Variants in GSE1 observed in about 807,000 individuals in gnomAD.
GSE1 encodes the protein Gse1 coiled-coil protein.
GSE1 carries 32 observed loss-of-function variants against 112.6 expected under a neutral mutation model. That is an observed-to-expected ratio of 0.28 (90% CI 0.21 to 0.38). The LOEUF (loss-of-function observed/expected upper bound fraction) is 0.38. Ranked by LOEUF, GSE1 falls within the 10% of genes least tolerant of loss-of-function variation. The probability of loss-of-function intolerance (pLI) is 1.00; values close to 1 mark genes in which losing one functional copy is unlikely to be tolerated. For synonymous variants in GSE1, 1,115 were observed against 735.6 expected (o/e 1.52, Z -8.35); for missense variants, 2,348 against 1,699.2 (o/e 1.38, Z -6.71).
intron 1 of GSE1, among the ~76,000 whole-genome samples, chr16:85,340,777 TCTCCCAC>T: frequency 6.6e-6 from 1 of 152,226 alleles, no homozygotes; most frequent in Admixed American, 6.5e-5. Context: ...TCAAGGGGTT[TCTCCCAC>T]ATGTCAGGCT....
intron 5 of GSE1, 68 bp from the exon 6 acceptor site, chr16:85,655,658 A>G: frequency 1.9e-6 from 2 of 1,046,334 alleles, no homozygotes; most frequent in Non-Finnish European, 2.8e-6. Context: ...GCTGAGACAC[A>G]CCTGTCGACA....
chr16:85,508,609 C>T (rs959209941), intron 2 of GSE1, among the ~76,000 whole-genome samples: 1 of 152,322 alleles, frequency 6.6e-6, no homozygotes, highest in African/African-American at 2.4e-5. Context: ...GCAGGGCCCG[C>T]GGCCTCTAAA....
intron 2 of GSE1, among the ~76,000 whole-genome samples, chr16:85,529,029 G>C (rs2052461066): frequency 6.6e-6 from 1 of 152,204 alleles, no homozygotes; most frequent in South Asian, 2.1e-4. Flanking sequence ...CCCTCATCTT[G>C]GTGGACCGGC....
chr16:85,277,374 T>G (rs1040672107), intron 1 of GSE1, among the ~76,000 whole-genome samples: 1 of 152,162 alleles, frequency 6.6e-6, no homozygotes, highest in Non-Finnish European at 1.5e-5. Flanking sequence ...TTCCAGGGTC[T>G]GTCAGTGCCA....
intron 1 of GSE1, among the ~76,000 whole-genome samples, chr16:85,586,741 T>C (rs1281350863): frequency 6.6e-6 from 1 of 152,162 alleles, no homozygotes; most frequent in Non-Finnish European, 1.5e-5. Context: ...AGCCCCGGCA[T>C]GGAGGGCCTC....
intron 2 of GSE1, among the ~76,000 whole-genome samples, chr16:85,380,925 G>A (rs142473605): frequency 3.3e-4 from 50 of 152,306 alleles, no homozygotes; most frequent in African/African-American, 7.9e-4. Context: ...TTTGCAATGC[G>A]TGTTACTTTA....
At chr16:85,412,973 G>T (rs1368466476) in intron 2 of GSE1, among the ~76,000 whole-genome samples, 11 of 152,218 alleles carry the variant, frequency 7.2e-5, no homozygotes, top group Non-Finnish European at 1.6e-4. Context: ...CCGGGTGCCT[G>T]TTCGGGTGCA....
chr16:85,456,141 T>C (rs1012038283), intron 2 of GSE1, among the ~76,000 whole-genome samples: 1 of 152,194 alleles, frequency 6.6e-6, no homozygotes, highest in South Asian at 2.1e-4. Context: ...CAGTCCTGGT[T>C]CAGAGGAGGG....
chr16:85,664,278 G>A (rs142443044), intron 11 of GSE1, among the ~76,000 whole-genome samples: 57 of 152,350 alleles, frequency 3.7e-4, no homozygotes, highest in African/African-American at 1.0e-3. Flanking sequence ...TCAAGTCCTC[G>A]TGGGCCCCTG....
chr16:85,507,237 T>C (rs1158327711), intron 2 of GSE1, among the ~76,000 whole-genome samples: 6 of 152,230 alleles, frequency 3.9e-5, no homozygotes, highest in Non-Finnish European at 8.8e-5. Flanking sequence ...TTTTGTCTTC[T>C]CTGTCTGCTC....
At chr16:85,555,824 C>A (rs7184557), upstream of GSE1, 395,731 of 894,234 alleles carry the variant, frequency 0.44, 89,976 homozygotes, top group East Asian at 0.76. Flanking sequence ...TCTTTCCCCC[C>A]TCTCTCTTTT....
intron 1 of GSE1, among the ~76,000 whole-genome samples, chr16:85,219,807 C>G (rs1395937992): frequency 2.0e-5 from 3 of 152,214 alleles, no homozygotes; most frequent in African/African-American, 7.2e-5. Flanking sequence ...GCTTTATGCC[C>G]AGTTTACAGA....
At chr16:85,665,851 C>T (rs1050845653) in intron 12 of GSE1, 125 bp from the exon 13 acceptor site, 46 of 868,332 alleles carry the variant, frequency 5.3e-5, no homozygotes, top group African/African-American at 1.7e-4. Context: ...AAATGTTCCC[C>T]GGGTCTTGGT....
At chr16:85,584,301 GA>G (rs2046589287) in intron 1 of GSE1, among the ~76,000 whole-genome samples, 1 of 152,172 alleles carries the variant, frequency 6.6e-6, no homozygotes, top group African/African-American at 2.4e-5. Context: ...GGCTAGCTGG[GA>G]TGTGCATATG....
intron 11 of GSE1, among the ~76,000 whole-genome samples, 169 bp downstream of exon 11, chr16:85,663,783 C>T (rs575885688): frequency 6.6e-6 from 1 of 152,246 alleles, no homozygotes; most frequent in African/African-American, 2.4e-5. Flanking sequence ...CTTACAAGCC[C>T]TCCATAGCAG....
chr16:85,593,593 C>G (rs1457393221), intron 1 of GSE1: 2 of 149,234 alleles, frequency 1.3e-5, no homozygotes, highest in Admixed American at 6.7e-5. Context: ...GGCCCCTTAG[C>G]CTCCCCTCCC....
At chr16:85,538,886 C>T (rs1184344219) in intron 2 of GSE1, among the ~76,000 whole-genome samples, 2 of 152,172 alleles carry the variant, frequency 1.3e-5, no homozygotes, top group Non-Finnish European at 2.9e-5. Context: ...CCCTCTCCAG[C>T]CCCCAAATCT....
rs74960901 is a variant in GSE1 at position 85,627,723 on chromosome 16, G to A, written c.8-6191G>A. Among the ~76,000 whole-genome samples the A allele has an allele frequency of 8.5e-4, 130 of 152,108 alleles. 1 individual carries two copies. Among genetic ancestry groups the A allele is most frequent in the African/African-American group, 2.7e-3 (113 of 41,466 alleles). On this transcript the variant is annotated intron_variant, in intron 1 of 15. Transcript: ENST00000253458. ...GTCACAGGCCTTCACACGGTGGAGC[G>A]TATTCCCAGCTGTTAGGATAATGAA...
At chr16:85,203,211 C>T (rs977725704) in intron 1 of GSE1, among the ~76,000 whole-genome samples, 2 of 152,130 alleles carry the variant, frequency 1.3e-5, no homozygotes, top group African/African-American at 2.4e-5. Context: ...CCACTGTCCT[C>T]CTCAGCATGC....
Sources: allele counts gnomAD v4.1 joint callset (sites outside exome capture counted in the v4.1 genomes callset), GRCh38; gene constraint gnomAD v4.1.1; transcripts MANE v1.5; gene names NCBI Gene and HGNC (gene_info 2026-07-23, HGNC 2026-07-21).